Variants in SORCS1 observed in about 807,000 individuals in gnomAD.
SORCS1 encodes the protein VPS10 domain-containing receptor SorCS1.
In SORCS1, 60 loss-of-function variants were observed where a neutral mutation model predicts 146.1. The ratio of observed to expected loss-of-function variants is 0.41; its 90% CI spans 0.33 to 0.51. The LOEUF (loss-of-function observed/expected upper bound fraction) is 0.51. Among genes scored for constraint, SORCS1 ranks in the 20% least tolerant of loss-of-function variants. The pLI is 0.21. For missense variants in SORCS1, 1,352 were observed against 1,487.6 expected (o/e 0.91, Z 1.50); for synonymous variants, 637 against 584.0 (o/e 1.09, Z -1.31).
In SORCS1 at chr10:106,858,842, T is replaced by C. The variant is rs919386478; in HGVS notation, c.627-29169A>G. Among the ~76,000 whole-genome samples, 11 of 152,318 alleles carry C rather than the reference T, an allele frequency of 7.2e-5. No individual in the cohort carries two copies. The East Asian group carries it at 1.9e-3, about 27-fold the overall frequency. ...TCATCTTTTTAGGAGCAAATTGGAG[T>C]ACTATCCTTCACTAGATGATGTCCA... is the stretch of plus-strand genomic sequence containing the variant. On this transcript the variant is annotated intron_variant, in intron 2 of 25. Coordinates refer to ENST00000263054, the MANE Select transcript of SORCS1 (RefSeq NM_052918.5).
intron 1 of SORCS1, among the ~76,000 whole-genome samples, chr10:107,139,851 G>A (rs1028260032): frequency 2.0e-5 from 3 of 152,180 alleles, no homozygotes; most frequent in Non-Finnish European, 4.4e-5. Context: ...CAAACACTAA[G>A]TGCTTCACGT....
intron 1 of SORCS1, among the ~76,000 whole-genome samples, chr10:106,971,489 T>A (rs953343963): frequency 6.6e-6 from 1 of 152,238 alleles, no homozygotes; most frequent in Admixed American, 6.5e-5. Flanking sequence ...GAAATTGCAA[T>A]CTACCAGCAT....
chr10:106,924,089 T>C (rs948417365), intron 2 of SORCS1, among the ~76,000 whole-genome samples: 1 of 152,144 alleles, frequency 6.6e-6, no homozygotes, highest in African/African-American at 2.4e-5. Flanking sequence ...ACCCCATCTC[T>C]ACTAAAAATA....
chr10:106,928,178 C>T (rs536005093), intron 2 of SORCS1, among the ~76,000 whole-genome samples: 17 of 152,340 alleles, frequency 1.1e-4, no homozygotes, highest in Admixed American at 5.2e-4. Context: ...TGGGGAGGCT[C>T]GGGCCGCACA....
At chr10:106,647,476 T>C (rs1401348706) in intron 18 of SORCS1, among the ~76,000 whole-genome samples, 1 of 151,456 alleles carries the variant, frequency 6.6e-6, no homozygotes, top group Non-Finnish European at 1.5e-5. Context: ...CTAACTCTAG[T>C]GAAAATATCA....
At chr10:106,928,301 G>T (rs962234001) in intron 2 of SORCS1, among the ~76,000 whole-genome samples, 1 of 152,198 alleles carries the variant, frequency 6.6e-6, no homozygotes, top group African/African-American at 2.4e-5. Context: ...CCGGTGGGCC[G>T]GCACTGCCGA....
In SORCS1 at chr10:106,930,873, T is replaced by C. The variant is rs1483979114; in HGVS notation, c.626+25640A>G. 3.3e-5 allele frequency among the ~76,000 whole-genome samples: 5 copies of C among 152,134 alleles called. No individual in the cohort carries two copies. The East Asian group carries it at 9.6e-4, about 29-fold the overall frequency. ...GCTCAAAGCCTTCTCAATCAAGACA[T>C]GGGGAATCTGCCCTTCAAAGAAAAG... On this transcript the variant is annotated intron_variant, in intron 2 of 25. Transcript: ENST00000263054.
chr10:107,158,479 C>T (rs1969459307), intron 1 of SORCS1, among the ~76,000 whole-genome samples: 1 of 152,186 alleles, frequency 6.6e-6, no homozygotes, highest in African/African-American at 2.4e-5. Context: ...CTCTACATTT[C>T]AAGGTTTCTC....
intron 24 of SORCS1, among the ~76,000 whole-genome samples, chr10:106,595,210 G>A (rs1302215908): frequency 1.3e-5 from 2 of 152,170 alleles, no homozygotes; most frequent in Non-Finnish European, 2.9e-5. Flanking sequence ...TCAGAAAGTG[G>A]CTTTTACCAG....
At chr10:106,862,396 A>G (rs1461773796) in intron 2 of SORCS1, among the ~76,000 whole-genome samples, 1 of 152,174 alleles carries the variant, frequency 6.6e-6, no homozygotes, top group African/African-American at 2.4e-5. Flanking sequence ...TAATATCACC[A>G]TTTATTTTGT....
intron 14 of SORCS1, 51 bp from the exon 15 acceptor site, chr10:106,673,036 G>A: frequency 7.0e-7 from 1 of 1,433,022 alleles, no homozygotes; most frequent in Non-Finnish European, 9.8e-7. Context: ...AATGTAATGA[G>A]TAATAACAAC....
intron 5 of SORCS1, among the ~76,000 whole-genome samples, chr10:106,757,011 G>A (rs1456894916): frequency 2.0e-5 from 3 of 152,068 alleles, no homozygotes; most frequent in Admixed American, 6.6e-5. Flanking sequence ...CCTGATTAAA[G>A]CCTTCTTCTT....
chr10:106,651,376 T>A (rs530064004), intron 18 of SORCS1, among the ~76,000 whole-genome samples: 119 of 152,292 alleles, frequency 7.8e-4, no homozygotes, highest in South Asian at 3.7e-3. Flanking sequence ...CAATGCACAA[T>A]GCACAACCTG....
intron 2 of SORCS1, among the ~76,000 whole-genome samples, chr10:106,919,260 A>C (rs1952589470): frequency 6.6e-6 from 1 of 152,210 alleles, no homozygotes; most frequent in Non-Finnish European, 1.5e-5. Context: ...GCCAAACCTC[A>C]CACAATATTA....
chr10:106,899,236 T>C (rs1951604549), intron 2 of SORCS1, among the ~76,000 whole-genome samples: 1 of 152,180 alleles, frequency 6.6e-6, no homozygotes, highest in African/African-American at 2.4e-5. Context: ...AAGTTCCCTC[T>C]CTGAATTCCT....
At chr10:106,604,538 T>A (rs1460428777) in intron 23 of SORCS1, among the ~76,000 whole-genome samples, 4 of 152,232 alleles carry the variant, frequency 2.6e-5, no homozygotes, top group African/African-American at 9.6e-5. Flanking sequence ...TGGAATAGGC[T>A]GATACACTGG....
chr10:106,953,002 A>ACT (rs1244838199), intron 2 of SORCS1, among the ~76,000 whole-genome samples: 3 of 151,464 alleles, frequency 2.0e-5, no homozygotes, highest in African/African-American at 7.3e-5. Context: ...TACTACTACT[A>ACT]ATAATAATAA....
intron 6 of SORCS1, among the ~76,000 whole-genome samples, chr10:106,710,742 A>AACC (rs1356528658): frequency 6.6e-6 from 1 of 152,084 alleles, no homozygotes; most frequent in Non-Finnish European, 1.5e-5. Flanking sequence ...CCACCATGCC[A>AACC]ACCCTCCAAC....
chr10:107,151,440 T>C (rs991192782), intron 1 of SORCS1, among the ~76,000 whole-genome samples: 2 of 152,034 alleles, frequency 1.3e-5, no homozygotes, highest in African/African-American at 4.8e-5. Flanking sequence ...CAGTTCCACA[T>C]GGCTGGGGAG....
Sources: gnomAD v4.1 joint callset for allele counts (sites outside exome capture counted in the v4.1 genomes callset) on GRCh38, gnomAD v4.1.1 for gene constraint, MANE v1.5 for transcripts, NCBI Gene and HGNC (gene_info 2026-07-23, HGNC 2026-07-21) for gene names.